MYPN: variants seen among roughly 807,000 people sequenced by gnomAD.
MYPN encodes sarcomeric protein myopalladin, 145 kDa (MYOP).
MYPN carries 63 observed loss-of-function variants against 129.4 expected under a neutral mutation model. That is an observed-to-expected ratio of 0.49 (90% CI 0.40 to 0.60). The LOEUF (loss-of-function observed/expected upper bound fraction) is 0.60. MYPN is among the 20% of genes least tolerant of loss of function. MYPN has a pLI of 0.00. For missense variants in MYPN, 1,596 were observed against 1,635.4 expected (o/e 0.98, Z 0.42); for synonymous variants, 629 against 600.9 (o/e 1.05, Z -0.68).
At chr10:68,146,610 T>A (rs991970182) in intron 4 of MYPN, among the ~76,000 whole-genome samples, 1 of 152,252 alleles carries the variant, frequency 6.6e-6, no homozygotes, top group African/African-American at 2.4e-5. Flanking sequence ...CTTATTTACA[T>A]ACAAATCTGG....
Position 68,122,007 on chromosome 10 carries a change from A to G in MYPN, c.569A>G (p.Lys190Arg). 1 of 1,614,238 alleles carries G rather than the reference A, an allele frequency of 6.2e-7. No individual in the cohort carries two copies. The highest frequency in any genetic ancestry group is 8.5e-7 in the Non-Finnish European group (1 of 1,180,048). ...NHKSKLESQNKVMQENSSSFS... is the reference protein window; with the variant it reads ...NHKSKLESQNRVMQENSSSFS... Reference sequence around the variant, plus strand: ...AAGAGTAAACTGGAATCTCAAAACAAAGTTATGCAGGAAAACAGCTCCAGT... The same window carrying G: ...AAGAGTAAACTGGAATCTCAAAACAGAGTTATGCAGGAAAACAGCTCCAGT... The change falls in exon 2 of 20, where the codon AAA becomes AGA. Residue 190 changes from lysine to arginine, a missense_variant. Physicochemically the swap from Lys to Arg is conservative, Grantham distance 26. Coordinates refer to ENST00000358913, the MANE Select transcript of MYPN (RefSeq NM_032578.4).
At chr10:68,129,095 G>A (rs577937008) in intron 2 of MYPN, among the ~76,000 whole-genome samples, 1 of 152,076 alleles carries the variant, frequency 6.6e-6, no homozygotes, top group Admixed American at 6.5e-5. Flanking sequence ...CCATGGACCA[G>A]CAGCGTCAGC....
chr10:68,107,322 T>C (rs1589515717), upstream of MYPN, among the ~76,000 whole-genome samples: 2 of 150,654 alleles, frequency 1.3e-5, no homozygotes, highest in South Asian at 4.2e-4. Context: ...CCATTCAGAA[T>C]GTCTTTGGCT....
At chr10:68,094,513 C>T (rs574413288) in intron 1 of MYPN, among the ~76,000 whole-genome samples, 89 of 152,132 alleles carry the variant, frequency 5.9e-4, no homozygotes, top group African/African-American at 2.1e-3. Flanking sequence ...CCATCCACCT[C>T]GGCTTCCCAA....
chr10:68,137,645 A>T (rs1045663468), intron 2 of MYPN, among the ~76,000 whole-genome samples: 1 of 152,150 alleles, frequency 6.6e-6, no homozygotes, highest in Non-Finnish European at 1.5e-5. Context: ...TGATTTCATT[A>T]AAAAAATTTA....
upstream of MYPN, among the ~76,000 whole-genome samples, chr10:68,105,837 A>T (rs75270916): frequency 0.016 from 2,448 of 152,314 alleles, 178 homozygotes; most frequent in East Asian, 0.2. Context: ...TGTATTCCAT[A>T]TGCTTTATTC....
intron 2 of MYPN, among the ~76,000 whole-genome samples, chr10:68,123,558 C>A (rs1382299067): frequency 6.7e-6 from 1 of 149,068 alleles, no homozygotes; most frequent in Non-Finnish European, 1.5e-5. Flanking sequence ...TGGTGGCGGG[C>A]GCCTGTAGTC....
chr10:68,196,171 A>T (rs1337258532), intron 15 of MYPN, among the ~76,000 whole-genome samples: 1 of 152,260 alleles, frequency 6.6e-6, no homozygotes, highest in Non-Finnish European at 1.5e-5. Context: ...TATGTAAATC[A>T]GACCCATTGA....
rs548011196 is a variant in MYPN at position 68,160,288 on chromosome 10, G to A, written c.1460-1441G>A. Among the ~76,000 whole-genome samples the A allele has an allele frequency of 1.1e-3, 172 of 151,618 alleles. 1 individual carries two copies. Among genetic ancestry groups the A allele is most frequent in the Admixed American group, 6.6e-4 (10 of 15,224 alleles). On this transcript the variant is annotated intron_variant, in intron 7 of 19. Transcript: ENST00000358913. ...AACAAAAAAAACCAAAAACTCAGCC[G>A]GGTGTGGTGGCACGCATCTGTAGTC...
intron 12 of MYPN, among the ~76,000 whole-genome samples, chr10:68,179,008 T>G (rs1374882613): frequency 6.6e-6 from 1 of 152,256 alleles, no homozygotes; most frequent in East Asian, 1.9e-4. Context: ...TTTTAAACTA[T>G]CTGCAGTTTC....
intron 16 of MYPN, among the ~76,000 whole-genome samples, chr10:68,198,328 C>T (rs1489155482): frequency 1.3e-5 from 2 of 152,190 alleles, no homozygotes; most frequent in Non-Finnish European, 2.9e-5. Flanking sequence ...GCTGGTTTCT[C>T]ATACTAATCA....
intron 12 of MYPN, among the ~76,000 whole-genome samples, chr10:68,183,733 A>AC (rs1274698071): frequency 6.6e-6 from 1 of 151,866 alleles, no homozygotes; most frequent in Non-Finnish European, 1.5e-5. Context: ...CTTATTGAAA[A>AC]CCCCCAAAGG....
chr10:68,175,586 C>A, intron 12 of MYPN, 125 bp downstream of exon 12: 3 of 1,041,138 alleles, frequency 2.9e-6, no homozygotes, highest in East Asian at 2.5e-5. Context: ...GATGGTAGAG[C>A]ACAGACTAAC....
At chr10:68,195,035 A>G (rs941570970) in intron 14 of MYPN, among the ~76,000 whole-genome samples, 1 of 152,254 alleles carries the variant, frequency 6.6e-6, no homozygotes, top group African/African-American at 2.4e-5. Context: ...ATGTGGCAGA[A>G]TAAACATCTT....
At chr10:68,125,455 A>T (rs1213946548) in intron 2 of MYPN, among the ~76,000 whole-genome samples, 2 of 152,232 alleles carry the variant, frequency 1.3e-5, no homozygotes, top group African/African-American at 4.8e-5. Context: ...GTAGACTATT[A>T]GCTGCCATTT....
At chr10:68,152,428 A>C (rs2042787827) in intron 6 of MYPN, among the ~76,000 whole-genome samples, 1 of 151,998 alleles carries the variant, frequency 6.6e-6, no homozygotes, top group Non-Finnish European at 1.5e-5. Context: ...GGTGTGCGCT[A>C]AGAATTTCAT....
intron 9 of MYPN, 32 bp downstream of exon 9, chr10:68,165,850 C>T: frequency 6.5e-7 from 1 of 1,545,146 alleles, no homozygotes; most frequent in Non-Finnish European, 9.0e-7. Context: ...AACAGTTTAG[C>T]CTATGACTTT....
At chr10:68,089,344 ATTTG>A (rs564709264) in intron 1 of MYPN, among the ~76,000 whole-genome samples, 21 of 147,020 alleles carry the variant, frequency 1.4e-4, no homozygotes, top group African/African-American at 4.8e-4. Flanking sequence ...TTTTTTGTTT[ATTTG>A]TTTGTTTGTT....
At chr10:68,122,699 C>G (rs1241258115) in intron 2 of MYPN, among the ~76,000 whole-genome samples, 1 of 151,876 alleles carries the variant, frequency 6.6e-6, no homozygotes, top group East Asian at 1.9e-4. Context: ...GTCGGGAGCT[C>G]GAGACCAGCC....
Sources: allele counts gnomAD v4.1 joint callset (sites outside exome capture counted in the v4.1 genomes callset), GRCh38; gene constraint gnomAD v4.1.1; transcripts MANE v1.5; gene names NCBI Gene and HGNC (gene_info 2026-07-23, HGNC 2026-07-21).